SLC24A3: variants seen among roughly 807,000 people sequenced by gnomAD.
The protein encoded by SLC24A3 is solute carrier family 24 member 3.
A neutral mutation model predicts 75.8 loss-of-function variants in SLC24A3; 28 were observed. The ratio of observed to expected loss-of-function variants is 0.37; its 90% CI spans 0.27 to 0.51. The LOEUF (loss-of-function observed/expected upper bound fraction) is 0.51, where lower values mean the gene tolerates loss of function less well. Ranked by LOEUF, SLC24A3 falls within the 20% of genes least tolerant of loss-of-function variation. The pLI is 0.94. For missense variants in SLC24A3, 663 were observed against 847.8 expected (o/e 0.78, Z 2.71); for synonymous variants, 372 against 334.1 (o/e 1.11, Z -1.24).
At chr20:19,585,673 A>G (rs931087387) in intron 6 of SLC24A3, 129 bp downstream of exon 6, 2 of 829,598 alleles carry the variant, frequency 2.4e-6, no homozygotes, top group Non-Finnish European at 3.8e-6. Context: ...GGCAGCAGTG[A>G]TTTGGGACCT....
chr20:19,454,232 C>G (rs1987540673), intron 2 of SLC24A3, among the ~76,000 whole-genome samples: 1 of 152,170 alleles, frequency 6.6e-6, no homozygotes, highest in African/African-American at 2.4e-5. Flanking sequence ...AAACTGTCAT[C>G]AGAGTAGCCG....
intron 6 of SLC24A3, among the ~76,000 whole-genome samples, chr20:19,641,890 A>G (rs989018059): frequency 6.6e-6 from 1 of 152,180 alleles, no homozygotes; most frequent in African/African-American, 2.4e-5. Context: ...TCTGTACTTA[A>G]CAAAGACACC....
intron 2 of SLC24A3, among the ~76,000 whole-genome samples, chr20:19,421,898 A>G (rs1307631631): frequency 4.6e-5 from 7 of 152,162 alleles, no homozygotes; most frequent in Non-Finnish European, 8.8e-5. Flanking sequence ...GAGTTTTGCC[A>G]GGGAACTCTT....
intron 2 of SLC24A3, among the ~76,000 whole-genome samples, chr20:19,472,893 G>A (rs1987898364): frequency 6.6e-6 from 1 of 152,240 alleles, no homozygotes; most frequent in Non-Finnish European, 1.5e-5. Context: ...TGCATACAGG[G>A]CCGGCATCAG....
At chr20:19,302,152 T>C (rs1006751328) in intron 2 of SLC24A3, among the ~76,000 whole-genome samples, 4 of 152,176 alleles carry the variant, frequency 2.6e-5, no homozygotes, top group Admixed American at 2.0e-4. Context: ...CTTCCTAAAC[T>C]GAACTTCAGG....
intron 2 of SLC24A3, among the ~76,000 whole-genome samples, chr20:19,398,560 T>A (rs530613541): frequency 7.8e-4 from 119 of 152,342 alleles, no homozygotes; most frequent in Middle Eastern, 3.4e-3. Context: ...CTCACATATA[T>A]GTTCTAATAC....
intron 3 of SLC24A3, among the ~76,000 whole-genome samples, chr20:19,551,475 T>A (rs1012627274): frequency 6.6e-6 from 1 of 152,194 alleles, no homozygotes; most frequent in African/African-American, 2.4e-5. Context: ...GTATTTTAAA[T>A]GAATTATGAC....
At chr20:19,237,435 G>T (rs1717257772) in intron 1 of SLC24A3, among the ~76,000 whole-genome samples, 1 of 152,192 alleles carries the variant, frequency 6.6e-6, no homozygotes, top group South Asian at 2.1e-4. Flanking sequence ...AAGGCCTGGT[G>T]TGCCGTCCCT....
At chr20:19,218,563 C>T (rs1054594528) in intron 1 of SLC24A3, among the ~76,000 whole-genome samples, 1 of 152,200 alleles carries the variant, frequency 6.6e-6, no homozygotes, top group Non-Finnish European at 1.5e-5. Context: ...CATTGCTTTT[C>T]AACCTTTTCT....
intron 2 of SLC24A3, among the ~76,000 whole-genome samples, chr20:19,343,469 C>T (rs545433464): frequency 6.6e-6 from 1 of 152,156 alleles, no homozygotes; most frequent in African/African-American, 2.4e-5. Flanking sequence ...ATAGTGAGTG[C>T]TTCATAATTT....
chr20:19,697,750 GTTAT>G (rs142305254), intron 14 of SLC24A3, among the ~76,000 whole-genome samples: 9,556 of 152,234 alleles, frequency 0.063, 340 homozygotes, highest in Middle Eastern at 0.1. Flanking sequence ...CTATTGTTCA[GTTAT>G]TCCGAAGAAG....
chr20:19,227,642 T>C (rs972142549), intron 1 of SLC24A3, among the ~76,000 whole-genome samples: 23 of 152,352 alleles, frequency 1.5e-4, no homozygotes, highest in Non-Finnish European at 2.8e-4. Flanking sequence ...GTTTATTGAC[T>C]ACTGTTTCCT....
chr20:19,440,896 T>C (rs540069236), intron 2 of SLC24A3, among the ~76,000 whole-genome samples: 7 of 152,194 alleles, frequency 4.6e-5, no homozygotes, highest in African/African-American at 1.4e-4. Flanking sequence ...TGCATTTGGA[T>C]ACCGACGGAC....
At chr20:19,446,481 CT>C (rs2122475300) in intron 2 of SLC24A3, among the ~76,000 whole-genome samples, 1 of 152,310 alleles carries the variant, frequency 6.6e-6, no homozygotes, top group African/African-American at 2.4e-5. Context: ...AGGGATTTAT[CT>C]TTGGACTTTT....
intron 2 of SLC24A3, among the ~76,000 whole-genome samples, chr20:19,496,015 G>A (rs377132858): frequency 3.5e-4 from 53 of 152,256 alleles, no homozygotes; most frequent in East Asian, 1.9e-3. Flanking sequence ...TGTCTGGAAC[G>A]TGTTCAAGCC....
chr20:19,249,977 CT>C (rs945258875), intron 1 of SLC24A3, among the ~76,000 whole-genome samples: 1 of 152,174 alleles, frequency 6.6e-6, no homozygotes, highest in Non-Finnish European at 1.5e-5. Flanking sequence ...TGTCTCTTGT[CT>C]TTTGACTGAT....
chr20:19,721,480 C>G lies in SLC24A3; in HGVS notation c.*340C>G, dbSNP rs1568711383. On this transcript the variant is annotated 3_prime_UTR_variant, in exon 17 of 17. Transcript: ENST00000328041. ...GGCAACACTGATTCCAATCCCTCCT[C>G]CTTTTTTAAGTTATTTGATGGAAGA... The G allele has an allele frequency of 4.4e-6, 1 of 227,788 alleles. No homozygotes were observed. The highest frequency in any genetic ancestry group is 2.3e-5 in the African/African-American group (1 of 43,926). The allele number at this position is 227,788 out of a possible 1,614,324, so 14.1% of individuals were successfully genotyped here.
chr20:19,696,901 G>A lies in SLC24A3; in HGVS notation c.1596G>A (p.Val532=), dbSNP rs374213519. 6.5e-7 allele frequency: 1 copy of A among 1,537,024 alleles called. No individual in the cohort carries two copies. The highest frequency in any genetic ancestry group is 1.4e-5 in the African/African-American group (1 of 72,032). Residue 532 remains valine, a synonymous_variant, in exon 14 of 17, where the codon GTG becomes GTA. Coordinates refer to ENST00000328041, the MANE Select transcript of SLC24A3 (RefSeq NM_020689.4). ...CTGACTGCATGGCCAGCCTCATTGT[G>A]GCCAGACAAGGTGGGACTTCCAGTG... ...SVPDCMASLI[V]ARQGMGDMAV...
At chr20:19,693,893 A>C in intron 13 of SLC24A3, 1 of 153,528 alleles carries the variant, frequency 6.5e-6, no homozygotes, top group Non-Finnish European at 1.5e-5. Flanking sequence ...CAAGCCCCAC[A>C]TCAATGGCAT....
Sources: allele counts gnomAD v4.1 joint callset (sites outside exome capture counted in the v4.1 genomes callset), GRCh38; gene constraint gnomAD v4.1.1; transcripts MANE v1.5; gene names NCBI Gene and HGNC (gene_info 2026-07-23, HGNC 2026-07-21).